EFHC2: variants seen among roughly 807,000 people sequenced by gnomAD.
EFHC2 encodes the protein EF-hand domain containing 2.
In EFHC2, 18 loss-of-function variants were observed where a neutral mutation model predicts 52.7. The ratio of observed to expected loss-of-function variants is 0.34; its 90% confidence interval spans 0.24 to 0.51. EFHC2 has a LOEUF of 0.51. Among genes scored for constraint, EFHC2 ranks in the 20% least tolerant of loss-of-function variants. The pLI is 0.97. For synonymous variants in EFHC2, 203 were observed against 204.1 expected, an observed-to-expected ratio of 0.99 and a Z score of 0.04; for missense variants, 513 against 562.5, an observed-to-expected ratio of 0.91 and a Z score of 0.89.
At chrX:44,165,328 G>A (rs959884129) in intron 13 of EFHC2, among the ~76,000 whole-genome samples, 8 of 111,759 alleles carry the variant, frequency 7.2e-5, no homozygotes, top group Non-Finnish European at 1.3e-4. Flanking sequence ...GGGGAAAGGG[G>A]AATTCTGTAA....
intron 9 of EFHC2, 124 bp downstream of exon 9, chrX:44,235,181 T>C: frequency 1.7e-6 from 1 of 602,993 alleles, no homozygotes; most frequent in Non-Finnish European, 2.3e-6. Flanking sequence ...TTCAGGGTTT[T>C]TTTTTATAAA....
chrX:44,301,745 G>A (rs185782916), intron 2 of EFHC2, among the ~76,000 whole-genome samples: 113 of 111,486 alleles, frequency 1.0e-3, no homozygotes, highest in African/African-American at 3.5e-3. Context: ...GCCTTTTCTA[G>A]GATTTCATAT....
At chrX:44,162,970 TG>T (rs2036669042) in intron 14 of EFHC2, among the ~76,000 whole-genome samples, 1 of 112,223 alleles carries the variant, frequency 8.9e-6, no homozygotes, top group African/African-American at 3.2e-5. Context: ...CTGATTTATC[TG>T]GGGATTACAT....
intron 2 of EFHC2, among the ~76,000 whole-genome samples, chrX:44,283,481 C>T (rs1038075259): frequency 9.0e-6 from 1 of 110,574 alleles, no homozygotes; most frequent in Admixed American, 9.6e-5. Flanking sequence ...GGCGCACGGC[C>T]GATCGGAAGC....
intron 11 of EFHC2, among the ~76,000 whole-genome samples, chrX:44,185,468 C>T (rs1215547219): frequency 9.0e-6 from 1 of 111,441 alleles, no homozygotes; most frequent in Non-Finnish European, 1.9e-5. Context: ...AACATCATAG[C>T]TTTAAATTCC....
chrX:44,233,949 C>T (rs776597608), intron 9 of EFHC2, among the ~76,000 whole-genome samples: 3 of 111,539 alleles, frequency 2.7e-5, no homozygotes, highest in African/African-American at 9.8e-5. Context: ...TCCCTGTCAA[C>T]CTTGTCGAAA....
intron 14 of EFHC2, among the ~76,000 whole-genome samples, chrX:44,158,247 A>G (rs916134221): frequency 3.6e-5 from 4 of 111,861 alleles, no homozygotes; most frequent in African/African-American, 1.3e-4. Context: ...TCATCAGCCA[A>G]TAAGTTTTTT....
chrX:44,213,253 CAG>C (rs1042370322), intron 11 of EFHC2, among the ~76,000 whole-genome samples: 1 of 111,243 alleles, frequency 9.0e-6, no homozygotes, highest in African/African-American at 3.3e-5. Flanking sequence ...ATAATGTAAG[CAG>C]AGAGATGGAC....
In EFHC2 at chrX:44,319,915, ATTTAT is replaced by A. The variant is rs776609268; in HGVS notation, c.43-7164_43-7160del. Among the ~76,000 whole-genome samples the A allele has an allele frequency of 1.4e-3, 153 of 110,846 alleles. 1 individual carries two copies. The highest frequency in any genetic ancestry group is 4.3e-3 in the African/African-American group (131 of 30,731). ...ATGTCACAGGAGCAGATAAGTTTTT[ATTTAT>A]TTTATTTATTTTTTTTATTTTTTTA... is the stretch of plus-strand genomic sequence containing the variant. On this transcript the variant is annotated intron_variant, in intron 1 of 14. Coordinates refer to ENST00000420999, the MANE Select transcript of EFHC2 (RefSeq NM_025184.4).
intron 2 of EFHC2, among the ~76,000 whole-genome samples, chrX:44,286,725 A>T (rs1480514039): frequency 9.0e-6 from 1 of 111,165 alleles, no homozygotes; most frequent in Non-Finnish European, 1.9e-5. Flanking sequence ...AAAAAAATTT[A>T]AAAATCGGCC....
intron 2 of EFHC2, among the ~76,000 whole-genome samples, chrX:44,300,291 A>G (rs1431865872): frequency 9.0e-6 from 1 of 111,441 alleles, no homozygotes; most frequent in Non-Finnish European, 1.9e-5. Context: ...TATGTTCAAA[A>G]TAACTATAAT....
At chrX:44,320,819 G>A (rs970776005) in intron 1 of EFHC2, among the ~76,000 whole-genome samples, 1 of 109,343 alleles carries the variant, frequency 9.1e-6, no homozygotes, top group South Asian at 4.2e-4. Flanking sequence ...CCTGCACTCT[G>A]GATTATCATA....
chrX:44,225,418 A>C (rs1481234599), intron 11 of EFHC2, among the ~76,000 whole-genome samples: 1 of 110,764 alleles, frequency 9.0e-6, no homozygotes, highest in African/African-American at 3.3e-5. Flanking sequence ...TCCTACCCTC[A>C]AAGTTTTTCT....
At chrX:44,322,907 C>T (rs1353384992) in intron 1 of EFHC2, among the ~76,000 whole-genome samples, 1 of 109,932 alleles carries the variant, frequency 9.1e-6, no homozygotes, top group Non-Finnish European at 1.9e-5. Context: ...CAGCTACTCA[C>T]GAGGCTGAGG....
At chrX:44,227,825 G>A (rs1310045076) in intron 11 of EFHC2, among the ~76,000 whole-genome samples, 1 of 111,826 alleles carries the variant, frequency 8.9e-6, no homozygotes, top group Non-Finnish European at 1.9e-5. Flanking sequence ...CTGGGAGTTG[G>A]CATTTGAGAT....
At chrX:44,320,303 G>A (rs779103151) in intron 1 of EFHC2, among the ~76,000 whole-genome samples, 1 of 111,715 alleles carries the variant, frequency 9.0e-6, no homozygotes, top group African/African-American at 3.3e-5. Flanking sequence ...AAAGAATAGT[G>A]ATCCAGGAAG....
At position 44,243,047 on chromosome X, in the gene EFHC2, T is replaced by C. The variant is rs780789222; in HGVS notation, c.1112-758A>G. 2.7e-5 allele frequency among the ~76,000 whole-genome samples: 3 copies of C among 112,090 alleles called. No individual in the cohort carries two copies. In the East Asian group the frequency reaches 8.4e-4, roughly 31 times the overall value. On this transcript the variant is annotated intron_variant, in intron 7 of 14. Transcript: ENST00000420999. ...CGGTAAATACTGTTGATTTTATTTA[T>C]ATACTTATCATCTGTGAGGAAAGAG...
Position 44,228,427 on chromosome X carries a change from T to C in EFHC2, c.1751+1222A>G, listed in dbSNP as rs994265133. Among the ~76,000 whole-genome samples, 4 of 112,267 alleles carry C rather than the reference T, an allele frequency of 3.6e-5. No homozygotes were observed. The Admixed American group carries it at 3.8e-4, about 11-fold the overall frequency. On this transcript the variant is annotated intron_variant, in intron 11 of 14. Coordinates refer to ENST00000420999, the MANE Select transcript of EFHC2 (RefSeq NM_025184.4). The stretch of plus-strand genomic sequence containing the variant: ...CACTCCCTCATTTCTGATGGAAATT[T>C]CTTGCTTTCACCTCCACTGCCTTCC...
At chrX:44,191,627 T>C (rs1273149893) in intron 11 of EFHC2, among the ~76,000 whole-genome samples, 6 of 112,152 alleles carry the variant, frequency 5.3e-5, no homozygotes, top group African/African-American at 3.2e-5. Flanking sequence ...AGTTTGGTGA[T>C]TTTTTTGTGA....
Sources: gnomAD v4.1 joint callset for allele counts (sites outside exome capture counted in the v4.1 genomes callset) on GRCh38, gnomAD v4.1.1 for gene constraint, MANE v1.5 for transcripts, NCBI Gene and HGNC (gene_info 2026-07-23, HGNC 2026-07-21) for gene names.